Variants in GLMN observed in about 807,000 individuals in gnomAD.
GLMN encodes the protein glomulin, FKBP associated protein, also known as glomulin.
In GLMN, 75 loss-of-function variants were observed where a neutral mutation model predicts 87.8. The observed-to-expected ratio is 0.85, with a 90% CI of 0.71 to 1.04. The LOEUF is 1.04. Ranked by LOEUF, GLMN falls within the 50% of genes least tolerant of loss-of-function variation. GLMN has a pLI of 0.00. For synonymous variants in GLMN, 206 were observed against 221.6 expected (o/e 0.93, Z 0.63); for missense variants, 588 against 658.8 (o/e 0.89, Z 1.18).
upstream of GLMN, chr1:92,301,562 A>G (rs1370876323): frequency 2.6e-6 from 4 of 1,547,036 alleles, no homozygotes; most frequent in South Asian, 1.2e-5. Context: ...TTAGAGGAGA[A>G]TATTACAGAA....
chr1:92,279,069 C>G (rs977274049), intron 7 of GLMN, among the ~76,000 whole-genome samples: 2 of 137,896 alleles, frequency 1.5e-5, no homozygotes, highest in Admixed American at 7.6e-5. Context: ...ACCTAATGAT[C>G]CAATCACCTT....
chr1:92,314,901 C>T, the GLMN span, among the ~76,000 whole-genome samples: 3,158 of 151,054 alleles, frequency 0.021, 134 homozygotes, highest in African/African-American at 0.072. Flanking sequence ...AAAAATTAAC[C>T]GGGCATGGTG....
chr1:92,291,851 A>G (rs902405896), intron 3 of GLMN, among the ~76,000 whole-genome samples: 13 of 152,196 alleles, frequency 8.5e-5, no homozygotes, highest in African/African-American at 3.1e-4. Flanking sequence ...CAGGTACTTA[A>G]CTTCCACAGA....
the GLMN span, among the ~76,000 whole-genome samples, chr1:92,370,432 G>T: frequency 0.038 from 5,783 of 152,120 alleles, 397 homozygotes; most frequent in African/African-American, 0.13. Context: ...AGAATATGAA[G>T]GAATAACTTC....
At chr1:92,299,195 C>T (rs1650585325), upstream of GLMN, 1 of 1,211,560 alleles carries the variant, frequency 8.3e-7, no homozygotes, top group Admixed American at 2.7e-5. Flanking sequence ...AGCTGGGCCC[C>T]GATCTCGAGT....
chr1:92,315,418 A>G, the GLMN span, among the ~76,000 whole-genome samples: 42 of 152,212 alleles, frequency 2.8e-4, no homozygotes, highest in Non-Finnish European at 4.7e-4. Flanking sequence ...TAATTACCAA[A>G]CTGTGACACA....
chr1:92,264,982 C>T (rs1570887550), intron 13 of GLMN, among the ~76,000 whole-genome samples: 1 of 152,178 alleles, frequency 6.6e-6, no homozygotes, highest in Non-Finnish European at 1.5e-5. Flanking sequence ...GCTGTGATTA[C>T]AGGCGCCCGC....
chr1:92,294,319 C>A (rs948667082), intron 3 of GLMN, among the ~76,000 whole-genome samples: 6 of 151,944 alleles, frequency 3.9e-5, no homozygotes, highest in Non-Finnish European at 5.9e-5. Context: ...TCATCTTGAC[C>A]CCAGTCTTGT....
At chr1:92,363,068 GA>G in the GLMN span, among the ~76,000 whole-genome samples, 2 of 151,922 alleles carry the variant, frequency 1.3e-5, no homozygotes, top group East Asian at 1.9e-4. Context: ...TCTCCAGGGG[GA>G]AAAAAATGCA....
At chr1:92,299,004 A>C, upstream of GLMN, 2 of 741,644 alleles carry the variant, frequency 2.7e-6, no homozygotes, top group Non-Finnish European at 4.2e-6. Context: ...GCCCCGCGCT[A>C]CGCGTAGGGA....
chr1:92,299,860 A>C, upstream of GLMN, among the ~76,000 whole-genome samples: 1 of 152,178 alleles, frequency 6.6e-6, no homozygotes, highest in Non-Finnish European at 1.5e-5. Flanking sequence ...GACCTGACCT[A>C]CTGCCACCAT....
At chr1:92,300,474 TAGA>T (rs1211677277), upstream of GLMN, among the ~76,000 whole-genome samples, 1 of 152,218 alleles carries the variant, frequency 6.6e-6, no homozygotes, top group African/African-American at 2.4e-5. Flanking sequence ...TGAGTGTCTG[TAGA>T]AGGTGTTTGT....
chr1:92,357,704 G>A, the GLMN span, among the ~76,000 whole-genome samples: 2 of 152,146 alleles, frequency 1.3e-5, no homozygotes, highest in Admixed American at 6.5e-5. Flanking sequence ...GCTAATTTTT[G>A]TATTTTTAAT....
intron 12 of GLMN, 85 bp downstream of exon 12, chr1:92,266,615 T>G (rs1276203010): frequency 8.3e-7 from 1 of 1,205,410 alleles, no homozygotes; most frequent in Non-Finnish European, 1.2e-6. Flanking sequence ...TTTCACAAAT[T>G]AAAATTTTTA....
the GLMN span, among the ~76,000 whole-genome samples, chr1:92,306,077 A>G: frequency 1.3e-5 from 2 of 152,242 alleles, no homozygotes; most frequent in African/African-American, 4.8e-5. Flanking sequence ...ACATGCTACA[A>G]GGTGGATGAA....
chr1:92,310,051 C>T, the GLMN span, among the ~76,000 whole-genome samples: 3 of 152,020 alleles, frequency 2.0e-5, no homozygotes, highest in African/African-American at 4.8e-5. Context: ...ACTAGTGATC[C>T]GTATGAGACC....
chr1:92,341,143 G>C, the GLMN span, among the ~76,000 whole-genome samples: 2 of 151,892 alleles, frequency 1.3e-5, no homozygotes, highest in Non-Finnish European at 2.9e-5. Flanking sequence ...TGAGTAGCTG[G>C]GACTACAGAC....
At chr1:92,262,997 A>T (rs1655217554) in intron 15 of GLMN, 71 bp from the exon 16 acceptor site, 1 of 672,664 alleles carries the variant, frequency 1.5e-6, no homozygotes, top group African/African-American at 1.8e-5. Context: ...ATAAGCTAAA[A>T]CTTTGGTCAT....
At chr1:92,307,507 A>G in the GLMN span, among the ~76,000 whole-genome samples, 27 of 152,310 alleles carry the variant, frequency 1.8e-4, no homozygotes, top group Middle Eastern at 3.4e-3. Flanking sequence ...TAATTGCAAA[A>G]TCAGAACTTT....
Sources: gnomAD v4.1 joint callset for allele counts (sites outside exome capture counted in the v4.1 genomes callset) on GRCh38, gnomAD v4.1.1 for gene constraint, MANE v1.5 for transcripts, NCBI Gene and HGNC (gene_info 2026-07-23, HGNC 2026-07-21) for gene names.